GLRX3: variants seen among roughly 807,000 people sequenced by gnomAD.
GLRX3 encodes glutaredoxin-3.
In GLRX3, 22 loss-of-function variants were observed where a neutral mutation model predicts 49.5. The ratio of observed to expected loss-of-function variants is 0.44; its 90% CI spans 0.32 to 0.63. The LOEUF is 0.63. Among genes scored for constraint, GLRX3 ranks in the 30% least tolerant of loss-of-function variants. The pLI is 0.05. For synonymous variants in GLRX3, 133 were observed against 140.0 expected, an observed-to-expected ratio of 0.95 and a Z score of 0.35; for missense variants, 385 against 396.3, an observed-to-expected ratio of 0.97 and a Z score of 0.24.
At chr10:130,159,728 C>G (rs1862538951) in intron 2 of GLRX3, 1 of 1,119,696 alleles carries the variant, frequency 8.9e-7, no homozygotes, top group Admixed American at 3.9e-5. Flanking sequence ...ACTAGTGCAC[C>G]AAAAATTTTA....
At position 130,136,424 on chromosome 10, in the gene GLRX3, G is replaced by A. The variant is rs1440269684; in HGVS notation, c.4G>A (p.Ala2Thr). Residue 2 changes from alanine (A) to threonine (T), a missense_variant, in exon 1 of 11, where the codon GCG becomes ACG. Ala to Thr is a moderately conservative substitution (Grantham distance 58, BLOSUM62 0). Transcript: ENST00000331244. Reference protein sequence around the residue: MAAGAAEAAVAA... With the variant: MTAGAAEAAVAA... ...GCTTCTGTCTGGCGGCGGCAGCATGGCGGCGGGGGCGGCTGAGGCAGCTGT... is the reference window on the plus strand; with the variant it reads ...GCTTCTGTCTGGCGGCGGCAGCATGACGGCGGGGGCGGCTGAGGCAGCTGT... 1 of 1,254,048 alleles carries A rather than the reference G, an allele frequency of 8.0e-7. No individual in the cohort carries two copies. The highest frequency in any genetic ancestry group is 1.0e-6 in the Non-Finnish European group (1 of 993,266). 77.7% of individuals were successfully genotyped at this position (1,254,048 alleles called of 1,614,324 possible).
At chr10:130,145,104 C>G in intron 1 of GLRX3, 107 bp from the exon 2 acceptor site, 1 of 509,536 alleles carries the variant, frequency 2.0e-6, no homozygotes, top group Non-Finnish European at 3.5e-6. Flanking sequence ...AAACTTCAGA[C>G]GGTTCTTTTA....
In GLRX3 at chr10:130,156,489, T is replaced by C. The variant is rs116076587; in HGVS notation, c.202-3506T>C. ...TTATGGAACCTCTTTAAGTTCCAGT[T>C]TCTTCTGTAAAATGGATGTTAAAGA... On this transcript the variant is annotated intron_variant, in intron 2 of 10. Coordinates refer to ENST00000331244, the MANE Select transcript of GLRX3 (RefSeq NM_006541.5). Among the ~76,000 whole-genome samples, 301 of 152,320 alleles carry C rather than the reference T, an allele frequency of 2.0e-3. 5 individuals carry two copies. Among genetic ancestry groups the C allele is most frequent in the African/African-American group, 7.1e-3 (295 of 41,572 alleles).
intron 4 of GLRX3, among the ~76,000 whole-genome samples, chr10:130,165,885 C>T (rs1177705810): frequency 6.6e-6 from 1 of 152,220 alleles, no homozygotes; most frequent in African/African-American, 2.4e-5. Context: ...ACTGTCAGAG[C>T]ATCAGGTCAG....
chr10:130,171,206 A>G (rs1378210921), intron 7 of GLRX3, among the ~76,000 whole-genome samples: 2 of 152,226 alleles, frequency 1.3e-5, no homozygotes, highest in Non-Finnish European at 2.9e-5. Flanking sequence ...AATAATTGTC[A>G]TAATCATTGC....
Position 130,136,501 on chromosome 10 carries a change from C to T in GLRX3, c.81C>T (p.Arg27=), listed in dbSNP as rs1238598635. The change falls in exon 1 of 11, where the codon CGC becomes CGT. Residue 27 remains arginine (R), a synonymous_variant. Coordinates refer to ENST00000331244, the MANE Select transcript of GLRX3 (RefSeq NM_006541.5). ...GSAGQFEELL[R]LKAKSLLVVH... Reference sequence around the variant, plus strand: ...CCGGGCAGTTTGAGGAGCTGCTGCGCCTCAAAGCCAAGTAAGCGGGGCGGC... The same window carrying T: ...CCGGGCAGTTTGAGGAGCTGCTGCGTCTCAAAGCCAAGTAAGCGGGGCGGC... 2.4e-6 allele frequency: 3 copies of T among 1,262,720 alleles called. No individual in the cohort carries two copies. The highest frequency in any genetic ancestry group is 3.1e-5 in the East Asian group (1 of 31,902). The allele number at this position is 1,262,720 out of a possible 1,614,324, so 78.2% of individuals were successfully genotyped here. A position where few individuals can be genotyped will look rare whatever the true frequency, so the allele number is the denominator to read the frequency against.
Position 130,140,269 on chromosome 10 carries a change from C to T in GLRX3, c.92+3757C>T, listed in dbSNP as rs571070837. On this transcript the variant is annotated intron_variant, in intron 1 of 10. Transcript: ENST00000331244. ...AAGTTTATTACATTGTCTAAAGTTA[C>T]ATTAGTCAGGATTTGAATGTGGTTT... 2.6e-5 allele frequency among the ~76,000 whole-genome samples: 4 copies of T among 152,318 alleles called. No individual in the cohort carries two copies. In the South Asian group the frequency reaches 8.3e-4, roughly 32 times the overall value.
intron 3 of GLRX3, 116 bp downstream of exon 3, chr10:130,160,185 C>A: frequency 1.5e-6 from 1 of 666,624 alleles, no homozygotes; most frequent in Non-Finnish European, 2.7e-6. Flanking sequence ...CTGTTTCTGG[C>A]CCTCCACCTT....
At chr10:130,140,967 C>G (rs1862161454) in intron 1 of GLRX3, among the ~76,000 whole-genome samples, 1 of 152,070 alleles carries the variant, frequency 6.6e-6, no homozygotes, top group African/African-American at 2.4e-5. Context: ...CTGAAAGGTC[C>G]CAATTTAATT....
intron 2 of GLRX3, among the ~76,000 whole-genome samples, chr10:130,148,554 A>G (rs1354042429): frequency 6.6e-6 from 1 of 150,422 alleles, no homozygotes; most frequent in Non-Finnish European, 1.5e-5. Context: ...ATAAGTGATC[A>G]TACACTAGAT....
At chr10:130,155,968 C>G (rs34870251) in intron 2 of GLRX3, among the ~76,000 whole-genome samples, 14,332 of 152,138 alleles carry the variant, frequency 0.094, 854 homozygotes, top group Non-Finnish European at 0.12. Flanking sequence ...ACTGAAGGGT[C>G]AGTGGAATGA....
At chr10:130,140,838 T>A (rs1170133810) in intron 1 of GLRX3, among the ~76,000 whole-genome samples, 1 of 152,214 alleles carries the variant, frequency 6.6e-6, no homozygotes. Context: ...TAAAAACTAT[T>A]ATTGAGCATC....
intron 5 of GLRX3, 46 bp downstream of exon 5, chr10:130,166,725 G>A: frequency 7.7e-7 from 1 of 1,292,528 alleles, no homozygotes; most frequent in South Asian, 1.3e-5. Flanking sequence ...TCCATTTAGA[G>A]CATACTTTTT....
intron 8 of GLRX3, among the ~76,000 whole-genome samples, chr10:130,172,811 G>A (rs960360027): frequency 2.6e-5 from 4 of 152,060 alleles, no homozygotes; most frequent in African/African-American, 7.2e-5. Flanking sequence ...GTGCGGTGGC[G>A]CACGCCTATA....
chr10:130,159,399 G>A (rs969331946), intron 2 of GLRX3, among the ~76,000 whole-genome samples: 3 of 152,130 alleles, frequency 2.0e-5, no homozygotes, highest in African/African-American at 7.2e-5. Context: ...TTATTTAAAA[G>A]GTATTTACAT....
chr10:130,136,608 C>T lies in GLRX3; in HGVS notation c.92+96C>T, dbSNP rs1026584139. 313 of 1,220,470 alleles carry T rather than the reference C, an allele frequency of 2.6e-4. 1 individual carries two copies. Among genetic ancestry groups the T allele is most frequent in the Non-Finnish European group, 3.0e-4 (291 of 975,572 alleles). The allele number at this position is 1,220,470 out of a possible 1,614,324, so 75.6% of individuals were successfully genotyped here. A position where few individuals can be genotyped will look rare whatever the true frequency, so the allele number is the denominator to read the frequency against. On this transcript the variant is annotated intron_variant, in intron 1 of 10. Transcript: ENST00000331244. The stretch of plus-strand genomic sequence containing the variant: ...GGCGGCGGGTGGCCCAGCCTGGCTT[C>T]TTGGTGCCCGGCTCCCTTCGGCCTC...
At chr10:130,176,770 C>G (rs11017117) in intron 10 of GLRX3, among the ~76,000 whole-genome samples, 104 of 114,454 alleles carry the variant, frequency 9.1e-4, no homozygotes, top group African/African-American at 2.7e-3. Flanking sequence ...CCCTCCCTCC[C>G]TCTTTCTCTC....
At chr10:130,169,595 G>T (rs1003006325) in intron 7 of GLRX3, 105 bp downstream of exon 7, 7 of 753,836 alleles carry the variant, frequency 9.3e-6, no homozygotes, top group Middle Eastern at 2.6e-4. Flanking sequence ...TGAAGCTGTA[G>T]CGATATCAGG....
At chr10:130,137,409 T>TC (rs1320593119) in intron 1 of GLRX3, among the ~76,000 whole-genome samples, 2 of 152,200 alleles carry the variant, frequency 1.3e-5, no homozygotes, top group African/African-American at 4.8e-5. Context: ...TGTAGACTAC[T>TC]CCAAGGACTG....
Sources: gnomAD v4.1 joint callset for allele counts (sites outside exome capture counted in the v4.1 genomes callset) on GRCh38, gnomAD v4.1.1 for gene constraint, MANE v1.5 for transcripts, NCBI Gene and HGNC (gene_info 2026-07-23, HGNC 2026-07-21) for gene names.